Variants in CAGE1 observed in about 807,000 individuals in gnomAD.
CAGE1 encodes cancer-associated gene 1 protein.
In CAGE1, 66 loss-of-function variants were observed where a neutral mutation model predicts 94.9. That is an observed-to-expected ratio of 0.70 (90% confidence interval 0.57 to 0.85). CAGE1 has a LOEUF of 0.85. Ranked by LOEUF, CAGE1 falls within the 40% of genes least tolerant of loss-of-function variation. The probability of loss-of-function intolerance (pLI) is 0.00; values close to 1 mark genes in which losing one functional copy is unlikely to be tolerated. For missense variants in CAGE1, 865 were observed against 950.4 expected (o/e 0.91, Z 1.18); for synonymous variants, 319 against 321.0 (o/e 0.99, Z 0.07).
chr6:7,369,429 G>A (rs1189792051), intron 6 of CAGE1, among the ~76,000 whole-genome samples: 1 of 152,182 alleles, frequency 6.6e-6, no homozygotes, highest in East Asian at 1.9e-4. Flanking sequence ...ACTTGGTCAA[G>A]TTACACAGCT....
intron 9 of CAGE1, among the ~76,000 whole-genome samples, chr6:7,358,059 T>C (rs9502607): frequency 0.062 from 7,417 of 119,202 alleles, 775 homozygotes; most frequent in African/African-American, 0.15. Context: ...TATATATATA[T>C]ATATATATAT....
Position 7,356,020 on chromosome 6 carries a change from T to C in CAGE1, c.2298+5A>G, listed in dbSNP as rs1284372333. On this transcript the variant is annotated splice_donor_5th_base_variant and intron_variant, in intron 10 of 13. Coordinates refer to ENST00000502583, the MANE Select transcript of CAGE1 (RefSeq NM_001170692.2). ...TCAAAATACAAAAGAAAAAAAAATG[T>C]CTACCTTCTTTATTAAGTTGCCTAA... The C allele has an allele frequency of 1.4e-6, 2 of 1,476,254 alleles. No homozygotes were observed. Among genetic ancestry groups the C allele is most frequent in the African/African-American group, 2.8e-5 (2 of 71,392 alleles). 91.4% of individuals were successfully genotyped at this position (1,476,254 alleles called of 1,614,324 possible). A position where few individuals can be genotyped will look rare whatever the true frequency, so the allele number is the denominator to read the frequency against.
Position 7,389,582 on chromosome 6 carries a change from A to C in CAGE1, c.-404T>G. On this transcript the variant is annotated 5_prime_UTR_variant, in exon 1 of 14. Transcript: ENST00000502583. Reference sequence around the variant, plus strand: ...CCCTAGGCCGAACAGCCTGTGGGCTAGCTGGCGCCTCCTGCCGCAGTAAAC... The same window carrying C: ...CCCTAGGCCGAACAGCCTGTGGGCTCGCTGGCGCCTCCTGCCGCAGTAAAC... 2 of 332,872 alleles carry C rather than the reference A, an allele frequency of 6.0e-6. No homozygotes were observed. Among genetic ancestry groups the C allele is most frequent in the Non-Finnish European group, 1.2e-5 (2 of 166,664 alleles). 20.6% of individuals were successfully genotyped at this position (332,872 alleles called of 1,614,324 possible).
chr6:7,389,587 G>T lies in CAGE1; in HGVS notation c.-409C>A. 3.0e-6 allele frequency: 1 copy of T among 332,822 alleles called. No homozygotes were observed. Among genetic ancestry groups the T allele is most frequent in the Non-Finnish European group, 6.0e-6 (1 of 166,962 alleles). 20.6% of individuals were successfully genotyped at this position (332,822 alleles called of 1,614,324 possible). A position where few individuals can be genotyped will look rare whatever the true frequency, so the allele number is the denominator to read the frequency against. ...GGCCGAACAGCCTGTGGGCTAGCTG[G>T]CGCCTCCTGCCGCAGTAAACACAAA... On this transcript the variant is annotated 5_prime_UTR_variant, in exon 1 of 14. Transcript: ENST00000502583.
intron 11 of CAGE1, chr6:7,342,021 C>T: frequency 3.6e-6 from 3 of 836,014 alleles, no homozygotes; most frequent in Non-Finnish European, 6.3e-6. Flanking sequence ...TGTTCTTGTC[C>T]TTATGATATT....
In CAGE1 at chr6:7,378,996, G is replaced by A. The variant is rs898230467; in HGVS notation, c.308C>T (p.Thr103Met). 2.0e-5 allele frequency: 31 copies of A among 1,532,258 alleles called. No individual in the cohort carries two copies. Among genetic ancestry groups the A allele is most frequent in the Middle Eastern group, 1.7e-4 (1 of 5,904 alleles). 94.9% of individuals were successfully genotyped at this position (1,532,258 alleles called of 1,614,324 possible). ...GTCAACTGGCTGAATTAGTGCATTC[G>A]TTGAGTAATTTTCAATGTTGTTATC... is the stretch of plus-strand genomic sequence containing the variant. ...LNDNNIENYSTNALIQPVDTI... is the reference protein window; with the variant it reads ...LNDNNIENYSMNALIQPVDTI... Residue 103 changes from threonine (T) to methionine (M), a missense_variant, in exon 4 of 14, where the codon ACG becomes ATG. By Grantham distance (81) the Thr-to-Met change is moderately conservative. Transcript: ENST00000502583.
chr6:7,358,010 G>A (rs116239388), intron 9 of CAGE1, among the ~76,000 whole-genome samples: 1,630 of 119,708 alleles, frequency 0.014, 44 homozygotes, highest in African/African-American at 0.047. Flanking sequence ...GCCAGACTGC[G>A]GTTAGGTAAG....
intron 4 of CAGE1, among the ~76,000 whole-genome samples, chr6:7,374,687 T>C (rs930508712): frequency 6.6e-6 from 1 of 152,284 alleles, no homozygotes; most frequent in South Asian, 2.1e-4. Context: ...CAGAAGAACA[T>C]GCCTCATGAT....
chr6:7,352,333 A>T (rs1759812971), intron 11 of CAGE1, among the ~76,000 whole-genome samples: 1 of 149,984 alleles, frequency 6.7e-6, no homozygotes, highest in Admixed American at 6.7e-5. Context: ...AAAAAACCTA[A>T]CCAAAGAGTC....
chr6:7,341,937 T>A (rs1234981229), intron 11 of CAGE1: 1 of 717,700 alleles, frequency 1.4e-6, no homozygotes, highest in Non-Finnish European at 2.6e-6. Context: ...TCGTGTCACT[T>A]TCTTGCAATC....
chr6:7,338,423 C>G (rs1759042770), intron 11 of CAGE1, among the ~76,000 whole-genome samples: 1 of 152,066 alleles, frequency 6.6e-6, no homozygotes, highest in South Asian at 2.1e-4. Flanking sequence ...CCTTTCTTTT[C>G]CTAGGTTGTT....
At chr6:7,358,764 G>T (rs778887446) in intron 9 of CAGE1, among the ~76,000 whole-genome samples, 8 of 152,164 alleles carry the variant, frequency 5.3e-5, no homozygotes, top group Non-Finnish European at 1.0e-4. Flanking sequence ...AGGCCACAGT[G>T]AGCCAAGATT....
intron 5 of CAGE1, among the ~76,000 whole-genome samples, chr6:7,372,468 C>A (rs867539307): frequency 3.8e-3 from 439 of 114,280 alleles, no homozygotes; most frequent in Middle Eastern, 4.8e-3. Flanking sequence ...AATACTGTCT[C>A]AAAAAAAAAA....
At position 7,345,502 on chromosome 6, in the gene CAGE1, C is replaced by T. The variant is rs183340211; in HGVS notation, c.2369+9539G>A. Among the ~76,000 whole-genome samples, 8 of 152,304 alleles carry T rather than the reference C, an allele frequency of 5.3e-5. No homozygotes were observed. In the East Asian group the frequency reaches 1.4e-3, roughly 26 times the overall value. On this transcript the variant is annotated intron_variant, in intron 11 of 13. Transcript: ENST00000502583. Reference sequence around the variant, plus strand: ...AAAATGGCATACTCACATTATATTTCAGCAAGATCACTCTGGCTGCATATA... The same window carrying T: ...AAAATGGCATACTCACATTATATTTTAGCAAGATCACTCTGGCTGCATATA...
At chr6:7,341,378 G>A in intron 11 of CAGE1, 1 of 795,812 alleles carries the variant, frequency 1.3e-6, no homozygotes, top group Non-Finnish European at 2.2e-6. Context: ...GACTTTTCAT[G>A]CTTAGGACAC....
chr6:7,358,028 ATATATATATATATATATATATATAT>A lies in CAGE1; in HGVS notation c.2194-1924_2194-1900del, dbSNP rs1760025891. Among the ~76,000 whole-genome samples the A allele has an allele frequency of 8.4e-4, 56 of 66,942 alleles. 2 individuals are homozygous for A. Among genetic ancestry groups the A allele is most frequent in the African/African-American group, 2.4e-3 (42 of 17,532 alleles). The allele number at this position is 66,942 out of a possible 152,430, so 43.9% of individuals were successfully genotyped here. A position where few individuals can be genotyped will look rare whatever the true frequency, so the allele number is the denominator to read the frequency against. Reference sequence around the variant, plus strand: ...AGACTGCGGTTAGGTAAGTTTTGAGATATATATATATATATATATATATATATATATATATATATATATGCCTCCA... The same window carrying A: ...AGACTGCGGTTAGGTAAGTTTTGAGAATATATATATATATATATGCCTCCA... On this transcript the variant is annotated intron_variant, in intron 9 of 13. Transcript: ENST00000502583.
chr6:7,389,246 A>G lies in CAGE1; in HGVS notation c.-68T>C. 1 of 456,304 alleles carries G rather than the reference A, an allele frequency of 2.2e-6. No homozygotes were observed. Among genetic ancestry groups the G allele is most frequent in the South Asian group, 1.5e-5 (1 of 64,578 alleles). 28.3% of individuals were successfully genotyped at this position (456,304 alleles called of 1,614,324 possible). A position where few individuals can be genotyped will look rare whatever the true frequency, so the allele number is the denominator to read the frequency against. On this transcript the variant is annotated 5_prime_UTR_variant, in exon 1 of 14. Transcript: ENST00000502583. ...CTCATTCATTTTTCACCTCAAAACG[A>G]GACACCAAACTTTTTAAGACACAAA...
intron 3 of CAGE1, among the ~76,000 whole-genome samples, chr6:7,385,014 GT>G (rs1192832287): frequency 6.6e-6 from 1 of 150,582 alleles, no homozygotes; most frequent in East Asian, 2.0e-4. Context: ...GTTTGTTTTG[GT>G]TTTTTTTGAG....
intron 4 of CAGE1, among the ~76,000 whole-genome samples, chr6:7,374,561 C>A (rs1456435171): frequency 6.7e-6 from 1 of 149,848 alleles, no homozygotes; most frequent in Non-Finnish European, 1.5e-5. Flanking sequence ...CATGTTATTA[C>A]TGGGCCAAAA....
Sources: gnomAD v4.1 joint callset for allele counts (sites outside exome capture counted in the v4.1 genomes callset) on GRCh38, gnomAD v4.1.1 for gene constraint, MANE v1.5 for transcripts, NCBI Gene and HGNC (gene_info 2026-07-23, HGNC 2026-07-21) for gene names.